Variants in QSER1 observed in about 807,000 individuals in gnomAD.
The protein encoded by QSER1 is glutamine and serine-rich protein 1.
In QSER1, 49 loss-of-function variants were observed where a neutral mutation model predicts 158.5. The ratio of observed to expected loss-of-function variants is 0.31; its 90% CI spans 0.25 to 0.39. The LOEUF is 0.39. Ranked by LOEUF, QSER1 falls within the 10% of genes least tolerant of loss-of-function variation. QSER1 has a pLI of 1.00. For synonymous variants in QSER1, 650 were observed against 715.5 expected (o/e 0.91, Z 1.46); for missense variants, 1,754 against 2,010.3 (o/e 0.87, Z 2.44).
At chr11:32,943,449 G>A (rs1417381020) in intron 4 of QSER1, among the ~76,000 whole-genome samples, 1 of 152,038 alleles carries the variant, frequency 6.6e-6, no homozygotes, top group Non-Finnish European at 1.5e-5. Flanking sequence ...ATGAAGCGTT[G>A]TTGAATTTTG....
intron 4 of QSER1, among the ~76,000 whole-genome samples, chr11:32,949,205 A>G (rs1852384236): frequency 6.6e-6 from 1 of 152,162 alleles, no homozygotes; most frequent in Non-Finnish European, 1.5e-5. Flanking sequence ...CAGACTAAAT[A>G]CTAAAATACC....
chr11:32,954,076 TAGA>T lies in QSER1; in HGVS notation c.4400_4402del (p.Glu1467del). ...GCAAAAGGACAGGACACTGTTGCCA[TAGA>T]AGGTTTTACAGATGAGGAGGACACA... is the stretch of plus-strand genomic sequence containing the variant. On this transcript the variant is annotated inframe_deletion, in exon 5 of 13. Coordinates refer to ENST00000650167, the MANE Select transcript of QSER1 (RefSeq NM_001076786.3). 6.2e-7 allele frequency: 1 copy of T among 1,614,138 alleles called. No homozygotes were observed. Among genetic ancestry groups the T allele is most frequent in the South Asian group, 1.1e-5 (1 of 91,084 alleles).
intron 8 of QSER1, among the ~76,000 whole-genome samples, chr11:32,964,744 A>G (rs1852703544): frequency 1.4e-5 from 1 of 73,522 alleles, no homozygotes; most frequent in African/African-American, 5.7e-5. Flanking sequence ...ATATATACAC[A>G]CACACACACA....
At chr11:32,905,305 C>T (rs181850747) in intron 1 of QSER1, among the ~76,000 whole-genome samples, 9 of 152,328 alleles carry the variant, frequency 5.9e-5, no homozygotes, top group Non-Finnish European at 1.0e-4. Flanking sequence ...AATACTTTTG[C>T]TTGGATCTGC....
Position 32,956,132 on chromosome 11 carries a change from T to C in QSER1, c.4751+11T>C, listed in dbSNP as rs202217735. On this transcript the variant is annotated intron_variant, in intron 7 of 12. Transcript: ENST00000650167. Reference sequence around the variant, plus strand: ...TTCACAAACTATCAGGTATTTGTTTTCTTAGGTGATATATTTGTGCATATA... The same window carrying C: ...TTCACAAACTATCAGGTATTTGTTTCCTTAGGTGATATATTTGTGCATATA... 107 of 1,603,100 alleles carry C rather than the reference T, an allele frequency of 6.7e-5. No individual in the cohort carries two copies. Among genetic ancestry groups the C allele is most frequent in the Non-Finnish European group, 9.1e-5 (107 of 1,172,158 alleles).
chr11:32,972,223 TAGG>T (rs965333744), intron 10 of QSER1, among the ~76,000 whole-genome samples: 1 of 151,992 alleles, frequency 6.6e-6, no homozygotes, highest in Admixed American at 6.6e-5. Flanking sequence ...ATAAATATAA[TAGG>T]AGGACTTCAA....
chr11:32,974,978 A>C (rs1318381065), intron 11 of QSER1, among the ~76,000 whole-genome samples: 4 of 152,188 alleles, frequency 2.6e-5, no homozygotes, highest in South Asian at 4.1e-4. Context: ...TATTTTATAA[A>C]TCATCTCATA....
chr11:32,955,411 G>A lies in QSER1; in HGVS notation c.4616G>A (p.Ser1539Asn). The change falls in exon 6 of 13, where the codon AGT (serine) becomes AAT (asparagine). Residue 1539 changes from serine (S) to asparagine (N), a missense_variant and splice_region_variant. By Grantham distance (46) the Ser-to-Asn change is conservative. This residue lies in a region of QSER1 where 1,707 missense variants were observed against 1,919.6 expected (regional missense o/e 0.89). Transcript: ENST00000650167. ...CAAAGAGAATTTGCTGCTACAAATA[G>A]TGTAAGTAAAATGCATGTTTACATT... ...DGQREFAATN[S>N]YLGYFGDAKS... 1 of 1,492,762 alleles carries A rather than the reference G, an allele frequency of 6.7e-7. No homozygotes were observed. The highest frequency in any genetic ancestry group is 9.2e-7 in the Non-Finnish European group (1 of 1,088,306). The allele number at this position is 1,492,762 out of a possible 1,614,324, so 92.5% of individuals were successfully genotyped here. A position where few individuals can be genotyped will look rare whatever the true frequency, so the allele number is the denominator to read the frequency against.
rs1459938211 is a variant in QSER1, at chr11:32,935,007, G to C, written c.3749G>C (p.Cys1250Ser). ...LPYTPPSSES[C>S]HDGYQHQEKM... Reference sequence around the variant, plus strand: ...TATACTCCTCCTTCCTCAGAAAGCTGCCATGATGGTTATCAGCATCAAGAA... The same window carrying C: ...TATACTCCTCCTTCCTCAGAAAGCTCCCATGATGGTTATCAGCATCAAGAA... The change falls in exon 4 of 13, where the codon TGC becomes TCC. Residue 1250 changes from cysteine (C) to serine (S), a missense_variant. Physicochemically the swap from Cys to Ser is moderately radical, Grantham distance 112. Transcript: ENST00000650167. 1 of 1,613,994 alleles carries C rather than the reference G, an allele frequency of 6.2e-7. No homozygotes were observed. Among genetic ancestry groups the C allele is most frequent in the Non-Finnish European group, 8.5e-7 (1 of 1,180,012 alleles).
Position 32,933,078 on chromosome 11 carries a change from CCT to C in QSER1, c.1824_1825del (p.Arg609GlyfsTer8). On this transcript the variant is annotated frameshift_variant, in exon 4 of 13. Transcript: ENST00000650167. LOFTEE classifies it high-confidence loss of function. ...GCCCCTTCTCTTTCTTATTCTTCTG[CCT>C]CTCGGGCTCAGAATTTGCCAGACTC... 6.2e-7 allele frequency: 1 copy of C among 1,613,778 alleles called. No individual in the cohort carries two copies. The highest frequency in any genetic ancestry group is 8.5e-7 in the Non-Finnish European group (1 of 1,179,992).
chr11:32,919,698 G>C (rs1262472951), intron 1 of QSER1, among the ~76,000 whole-genome samples: 1 of 152,198 alleles, frequency 6.6e-6, no homozygotes, highest in Non-Finnish European at 1.5e-5. Context: ...CCACACCTGA[G>C]TGGGGAGTTA....
intron 6 of QSER1, among the ~76,000 whole-genome samples, chr11:32,955,729 T>C (rs536821123): frequency 8.8e-4 from 134 of 152,250 alleles, no homozygotes; most frequent in Non-Finnish European, 1.5e-3. Context: ...TAGTCAAATA[T>C]CCTGATTTAC....
chr11:32,939,877 C>T (rs1852204180), intron 4 of QSER1, among the ~76,000 whole-genome samples: 1 of 151,696 alleles, frequency 6.6e-6, no homozygotes, highest in Non-Finnish European at 1.5e-5. Flanking sequence ...GCTCCCTTTT[C>T]CCTGGGATTT....
rs371032912 is a variant in QSER1, at chr11:32,935,380, C to T, written c.4122C>T (p.Ser1374=). ...GATATAGTCAAGATGCTTATAAAAGCGTCTCTACTCCCTTAACTACTTTGG... is the reference window on the plus strand; with the variant it reads ...GATATAGTCAAGATGCTTATAAAAGTGTCTCTACTCCCTTAACTACTTTGG... ...DPGYSQDAYK[S]VSTPLTTLDA... The change falls in exon 4 of 13, where the codon AGC becomes AGT. Residue 1374 remains serine, a synonymous_variant. Coordinates refer to ENST00000650167, the MANE Select transcript of QSER1 (RefSeq NM_001076786.3). The T allele has an allele frequency of 4.4e-6, 7 of 1,593,044 alleles. No individual in the cohort carries two copies. The highest frequency in any genetic ancestry group is 1.8e-5 in the Admixed American group (1 of 56,148).
chr11:32,936,145 G>A (rs780393266), intron 4 of QSER1, among the ~76,000 whole-genome samples: 1 of 151,944 alleles, frequency 6.6e-6, no homozygotes, highest in African/African-American at 2.4e-5. Flanking sequence ...CCCATAACTC[G>A]TTATTTAACA....
chr11:32,963,675 G>C (rs1237205898), intron 8 of QSER1, among the ~76,000 whole-genome samples: 1 of 149,358 alleles, frequency 6.7e-6, no homozygotes. Flanking sequence ...TTTAAATTTT[G>C]TATATTTAGA....
chr11:32,961,028 T>C (rs1852613591), intron 8 of QSER1, among the ~76,000 whole-genome samples: 1 of 152,180 alleles, frequency 6.6e-6, no homozygotes, highest in South Asian at 2.1e-4. Flanking sequence ...TTTAAAATAT[T>C]TATTTAAAAT....
rs758725716 is a variant in QSER1 at position 32,934,623 on chromosome 11, C to A, written c.3365C>A (p.Ala1122Asp). Reference protein sequence around the residue: ...TNLESEEDSEAPVDSTLNNNR... With the variant: ...TNLESEEDSEDPVDSTLNNNR... ...CTTGAATCTGAAGAAGACAGTGAAG[C>A]TCCTGTTGATAGTACATTAAATAAT... is the stretch of plus-strand genomic sequence containing the variant. The change falls in exon 4 of 13, where the codon GCT becomes GAT. Residue 1122 changes from alanine to aspartate, a missense_variant. By Grantham distance (126) the Ala-to-Asp change is moderately radical (BLOSUM62 -2). Coordinates refer to ENST00000650167, the MANE Select transcript of QSER1 (RefSeq NM_001076786.3). 1.2e-6 allele frequency: 2 copies of A among 1,613,654 alleles called. No individual in the cohort carries two copies. Among genetic ancestry groups the A allele is most frequent in the Non-Finnish European group, 1.7e-6 (2 of 1,179,922 alleles).
chr11:32,944,109 A>G (rs1852288073), intron 4 of QSER1, among the ~76,000 whole-genome samples: 1 of 151,934 alleles, frequency 6.6e-6, no homozygotes, highest in African/African-American at 2.4e-5. Context: ...TATTGCATCT[A>G]TTTGATTCTT....
Sources: allele counts gnomAD v4.1 joint callset (sites outside exome capture counted in the v4.1 genomes callset), GRCh38; gene constraint gnomAD v4.1.1; regional missense constraint gnomAD v4.1.1; transcripts MANE v1.5; gene names NCBI Gene and HGNC (gene_info 2026-07-23, HGNC 2026-07-21).